ALPK1: variants seen among roughly 807,000 people sequenced by gnomAD.
The protein encoded by ALPK1 is alpha-protein kinase 1.
ALPK1 carries 110 observed loss-of-function variants against 120.6 expected under a neutral mutation model. That is an observed-to-expected ratio of 0.91 (90% CI 0.78 to 1.07). The LOEUF is 1.07. Ranked by LOEUF, ALPK1 falls within the 50% of genes least tolerant of loss-of-function variation. ALPK1 has a pLI of 0.00. For synonymous variants in ALPK1, 582 were observed against 560.3 expected (o/e 1.04, Z -0.55); for missense variants, 1,498 against 1,483.9 (o/e 1.01, Z -0.16).
At position 112,308,790 on chromosome 4, in the gene ALPK1, AG is replaced by A. The variant is rs199542593; in HGVS notation, c.-152-7009del. Among the ~76,000 whole-genome samples, 1,509 of 152,148 alleles carry A rather than the reference AG, an allele frequency of 9.9e-3. 17 individuals are homozygous for A. The highest frequency in any genetic ancestry group is 0.013 in the Non-Finnish European group (899 of 68,024). ...ATCCAGCTTTGTTCTGTTGCTGGAG[AG>A]GAGCTGCGTTCCTTTGGAGGGGGAG... On this transcript the variant is annotated intron_variant, in intron 1 of 15. Coordinates refer to ENST00000650871, the MANE Select transcript of ALPK1 (RefSeq NM_025144.4).
intron 2 of ALPK1, among the ~76,000 whole-genome samples, chr4:112,328,353 G>A (rs565902498): frequency 2.6e-5 from 4 of 152,348 alleles, no homozygotes; most frequent in Admixed American, 6.5e-5. Flanking sequence ...AATGGGGAAG[G>A]TAAATAGCTT....
intron 2 of ALPK1, among the ~76,000 whole-genome samples, chr4:112,355,211 T>C (rs1730546154): frequency 6.6e-6 from 1 of 152,272 alleles, no homozygotes; most frequent in Non-Finnish European, 1.5e-5. Flanking sequence ...TTTCATTTTC[T>C]AAGCATTTGT....
At chr4:112,325,335 A>G (rs1729066787) in intron 2 of ALPK1, among the ~76,000 whole-genome samples, 1 of 152,254 alleles carries the variant, frequency 6.6e-6, no homozygotes, top group African/African-American at 2.4e-5. Flanking sequence ...AAATTGAACT[A>G]CAAATCAAAG....
intron 4 of ALPK1, chr4:112,383,670 T>C (rs1732022480): frequency 1.3e-5 from 2 of 152,318 alleles, no homozygotes; most frequent in South Asian, 4.1e-4. Flanking sequence ...AATAAAATAA[T>C]AACTATAACT....
intron 4 of ALPK1, among the ~76,000 whole-genome samples, chr4:112,403,598 A>AT (rs960869707): frequency 1.3e-5 from 2 of 152,178 alleles, no homozygotes; most frequent in Non-Finnish European, 2.9e-5. Flanking sequence ...CCACAATGCT[A>AT]TTGAAGTGCT....
chr4:112,379,331 G>GGCC (rs1435129234), intron 3 of ALPK1, among the ~76,000 whole-genome samples: 1 of 152,248 alleles, frequency 6.6e-6, no homozygotes, highest in African/African-American at 2.4e-5. Context: ...CTTCAGGTAA[G>GGCC]CTGCTTGGGG....
chr4:112,346,481 T>C (rs1325659878), intron 2 of ALPK1, among the ~76,000 whole-genome samples: 1 of 152,246 alleles, frequency 6.6e-6, no homozygotes, highest in Non-Finnish European at 1.5e-5. Context: ...ACCATCATTA[T>C]GTTCCTACTC....
chr4:112,424,152 C>T (rs990318882), intron 6 of ALPK1, 149 bp downstream of exon 6: 6 of 662,012 alleles, frequency 9.1e-6, no homozygotes, highest in Non-Finnish European at 1.5e-5. Context: ...AATGAAGAAG[C>T]TTTGATCAAG....
At chr4:112,413,400 G>C (rs1399442814) in intron 5 of ALPK1, among the ~76,000 whole-genome samples, 2 of 152,130 alleles carry the variant, frequency 1.3e-5, no homozygotes, top group Non-Finnish European at 2.9e-5. Flanking sequence ...TGTCCAAACT[G>C]GTCTTTCAGG....
intron 4 of ALPK1, among the ~76,000 whole-genome samples, chr4:112,398,394 G>T: frequency 6.6e-6 from 1 of 152,054 alleles, no homozygotes; most frequent in African/African-American, 2.4e-5. Context: ...CTCTGTTCAA[G>T]TGATCCTCCC....
chr4:112,390,587 G>T (rs1285611577), intron 4 of ALPK1, among the ~76,000 whole-genome samples: 1 of 152,098 alleles, frequency 6.6e-6, no homozygotes, highest in African/African-American at 2.4e-5. Context: ...AACACCCTTG[G>T]ATGGATGGAT....
At chr4:112,412,264 G>A (rs1179228067) in intron 5 of ALPK1, among the ~76,000 whole-genome samples, 1 of 152,224 alleles carries the variant, frequency 6.6e-6, no homozygotes, top group East Asian at 1.9e-4. Context: ...GAAAGGGTGT[G>A]GAAAATACTA....
chr4:112,372,697 C>A (rs538160535), intron 2 of ALPK1, among the ~76,000 whole-genome samples: 1 of 152,042 alleles, frequency 6.6e-6, no homozygotes, highest in Non-Finnish European at 1.5e-5. Flanking sequence ...CTATCATCAC[C>A]GTGACATCCC....
intron 5 of ALPK1, among the ~76,000 whole-genome samples, chr4:112,418,228 C>G (rs1359062611): frequency 6.6e-6 from 1 of 152,194 alleles, no homozygotes; most frequent in Non-Finnish European, 1.5e-5. Context: ...AGAGAAGTCA[C>G]CAAGGTTCCA....
rs780006763 is a variant in ALPK1 at position 112,439,788 on chromosome 4, T to C, written c.3454T>C (p.Tyr1152His). The C allele has an allele frequency of 1.9e-6, 3 of 1,613,612 alleles. No individual in the cohort carries two copies. The highest frequency in any genetic ancestry group is 1.1e-5 in the South Asian group (1 of 91,010). The change falls in exon 14 of 16, where the codon TAC becomes CAC. Residue 1152 changes from tyrosine to histidine, a missense_variant. By Grantham distance (83) the Tyr-to-His change is moderately conservative. Transcript: ENST00000650871. Reference sequence around the variant, plus strand: ...TAACACGAAAGTGGTGAAAACAGAATACAAAGCCACAGAATATGGCTTGGC... The same window carrying C: ...TAACACGAAAGTGGTGAAAACAGAACACAAAGCCACAGAATATGGCTTGGC... ...SNNTKVVKTEYKATEYGLAYG... is the reference protein window; with the variant it reads ...SNNTKVVKTEHKATEYGLAYG...
At chr4:112,367,547 G>A (rs1731213826) in intron 2 of ALPK1, among the ~76,000 whole-genome samples, 1 of 152,090 alleles carries the variant, frequency 6.6e-6, no homozygotes, top group Admixed American at 6.5e-5. Flanking sequence ...AAATATAGGG[G>A]CAAATGTGCA....
chr4:112,347,086 A>C (rs1730133105), intron 2 of ALPK1, among the ~76,000 whole-genome samples: 1 of 152,252 alleles, frequency 6.6e-6, no homozygotes, highest in Non-Finnish European at 1.5e-5. Flanking sequence ...CAGGAAAAAT[A>C]TAGCAGTAGC....
At chr4:112,416,933 C>T (rs1733772226) in intron 5 of ALPK1, among the ~76,000 whole-genome samples, 1 of 147,878 alleles carries the variant, frequency 6.8e-6, no homozygotes, top group African/African-American at 2.5e-5. Flanking sequence ...GTGTGGTAAA[C>T]TATAGAAAAT....
chr4:112,437,585 T>G (rs1051328655), intron 12 of ALPK1, among the ~76,000 whole-genome samples: 4 of 152,220 alleles, frequency 2.6e-5, no homozygotes, highest in African/African-American at 9.6e-5. Flanking sequence ...ATAGAAGAAC[T>G]GCCTAAAGCA....
Sources: allele counts gnomAD v4.1 joint callset (sites outside exome capture counted in the v4.1 genomes callset), GRCh38; gene constraint gnomAD v4.1.1; transcripts MANE v1.5; gene names NCBI Gene and HGNC (gene_info 2026-07-23, HGNC 2026-07-21).